Variants in ENOX1 observed in about 807,000 individuals in gnomAD.
ENOX1 encodes candidate growth-related and time keeping constitutive hydroquinone (NADH) oxidase.
Under a neutral mutation model 82.5 loss-of-function variants are expected in ENOX1, and 42 were observed. The observed-to-expected ratio is 0.51, with a 90% CI of 0.40 to 0.66. ENOX1 has a LOEUF of 0.66. Ranked by LOEUF, ENOX1 falls within the 30% of genes least tolerant of loss-of-function variation. The pLI is 0.00. For synonymous variants in ENOX1, 271 were observed against 282.2 expected, an observed-to-expected ratio of 0.96 and a Z score of 0.40; for missense variants, 608 against 811.6, an observed-to-expected ratio of 0.75 and a Z score of 3.05.
At chr13:43,501,092 T>C (rs2076964949) in intron 2 of ENOX1, among the ~76,000 whole-genome samples, 1 of 151,524 alleles carries the variant, frequency 6.6e-6, no homozygotes, top group Non-Finnish European at 1.5e-5. Context: ...AATATAAAAA[T>C]AAGATTCAAC....
intron 5 of ENOX1, among the ~76,000 whole-genome samples, chr13:43,375,755 T>G (rs1393123289): frequency 6.6e-6 from 1 of 152,210 alleles, no homozygotes; most frequent in Non-Finnish European, 1.5e-5. Flanking sequence ...AGAGAGTGGC[T>G]ACCCCATGGG....
chr13:43,380,379 G>C (rs2051956198), intron 5 of ENOX1, among the ~76,000 whole-genome samples: 1 of 151,434 alleles, frequency 6.6e-6, no homozygotes, highest in Non-Finnish European at 1.5e-5. Flanking sequence ...ATATAAGACA[G>C]CAAACATAAT....
At chr13:43,714,341 G>A (rs1317327147) in intron 1 of ENOX1, among the ~76,000 whole-genome samples, 3 of 152,074 alleles carry the variant, frequency 2.0e-5, no homozygotes, top group South Asian at 2.1e-4. Flanking sequence ...CAACTATGTG[G>A]TCAATTTTGG....
intron 9 of ENOX1, among the ~76,000 whole-genome samples, chr13:43,336,684 G>A (rs2048734213): frequency 6.6e-6 from 1 of 152,150 alleles, no homozygotes; most frequent in Non-Finnish European, 1.5e-5. Context: ...GAAGATACCT[G>A]TATTTAGATA....
chr13:43,277,628 G>A (rs1373455754), intron 12 of ENOX1, among the ~76,000 whole-genome samples: 1 of 152,310 alleles, frequency 6.6e-6, no homozygotes, highest in East Asian at 1.9e-4. Context: ...CACTGTGTGC[G>A]TACATCTGAG....
intron 3 of ENOX1, among the ~76,000 whole-genome samples, chr13:43,447,663 T>A (rs1328322103): frequency 6.6e-6 from 1 of 152,030 alleles, no homozygotes; most frequent in South Asian, 2.1e-4. Flanking sequence ...ATACATGAAA[T>A]GTACATGAGC....
chr13:43,785,766 C>G (rs1303250326), intron 1 of ENOX1, among the ~76,000 whole-genome samples: 1 of 152,168 alleles, frequency 6.6e-6, no homozygotes, highest in Non-Finnish European at 1.5e-5. Context: ...CACCCCCCTT[C>G]CGAAAGAGGG....
intron 2 of ENOX1, among the ~76,000 whole-genome samples, chr13:43,535,851 T>C (rs1228171614): frequency 1.3e-5 from 2 of 152,230 alleles, no homozygotes; most frequent in South Asian, 2.1e-4. Context: ...TTCCACTCCT[T>C]GTTCTGTGCA....
At chr13:43,721,190 T>A (rs950200528) in intron 1 of ENOX1, among the ~76,000 whole-genome samples, 10 of 152,104 alleles carry the variant, frequency 6.6e-5, no homozygotes, top group African/African-American at 2.4e-4. Context: ...TGATTCCACA[T>A]ACAAATTTAG....
chr13:43,417,545 T>C (rs897404053), intron 3 of ENOX1, among the ~76,000 whole-genome samples: 18 of 152,240 alleles, frequency 1.2e-4, no homozygotes, highest in Non-Finnish European at 2.4e-4. Context: ...CCTCTTTAAA[T>C]GATTCAAGAC....
At chr13:43,744,044 T>A (rs149883549) in intron 1 of ENOX1, among the ~76,000 whole-genome samples, 2,229 of 152,264 alleles carry the variant, frequency 0.015, 51 homozygotes, top group African/African-American at 0.049. Flanking sequence ...AAAGATCCCA[T>A]CTCTCAAAAC....
chr13:43,355,827 G>C, intron 8 of ENOX1, 92 bp downstream of exon 8: 1 of 1,241,972 alleles, frequency 8.1e-7, no homozygotes, highest in Non-Finnish European at 1.1e-6. Flanking sequence ...ACATTGTGCT[G>C]AAGGGACAAT....
intron 2 of ENOX1, among the ~76,000 whole-genome samples, chr13:43,497,814 T>C (rs1489595031): frequency 6.6e-6 from 1 of 152,142 alleles, no homozygotes; most frequent in Non-Finnish European, 1.5e-5. Flanking sequence ...TATTTCTTCT[T>C]AAATGTTTGA....
intron 5 of ENOX1, among the ~76,000 whole-genome samples, chr13:43,389,574 T>A (rs2052639771): frequency 6.6e-6 from 1 of 152,204 alleles, no homozygotes; most frequent in African/African-American, 2.4e-5. Flanking sequence ...CATCTCCTTA[T>A]TTCCTTTTTT....
At chr13:43,450,837 A>G (rs570587325) in intron 3 of ENOX1, among the ~76,000 whole-genome samples, 2 of 152,294 alleles carry the variant, frequency 1.3e-5, no homozygotes, top group South Asian at 2.1e-4. Context: ...AAGGTTTAGC[A>G]TCCCAAGTCC....
intron 14 of ENOX1, among the ~76,000 whole-genome samples, chr13:43,244,861 G>A (rs2043007033): frequency 6.6e-6 from 1 of 152,126 alleles, no homozygotes; most frequent in African/African-American, 2.4e-5. Context: ...GCTCAGTTCT[G>A]CTAATTGCTC....
chr13:43,434,913 G>A (rs984645512), intron 3 of ENOX1, among the ~76,000 whole-genome samples: 3 of 135,838 alleles, frequency 2.2e-5, no homozygotes, highest in South Asian at 2.3e-4. Flanking sequence ...TCCTTTTAAC[G>A]TGTCTTATTA....
In ENOX1 at chr13:43,649,570, G is replaced by A. The variant is rs148296920; in HGVS notation, c.-219+17909C>T. ...TGATAATTCACTGATTCCAAGAATG[G>A]TGCTCAGGTTTTAGAGCCAGAGTAT... On this transcript the variant is annotated intron_variant, in intron 2 of 16. Coordinates refer to ENST00000690772, the MANE Select transcript of ENOX1 (RefSeq NM_001347969.2). Among the ~76,000 whole-genome samples the A allele has an allele frequency of 5.3e-4, 80 of 152,246 alleles. 1 individual carries two copies. The highest frequency in any genetic ancestry group is 1.8e-3 in the African/African-American group (75 of 41,540).
chr13:43,682,028 C>T (rs928850190), intron 1 of ENOX1, among the ~76,000 whole-genome samples: 1 of 152,078 alleles, frequency 6.6e-6, no homozygotes, highest in South Asian at 2.1e-4. Context: ...CAGCCTTCAA[C>T]TCCATAATGA....
Sources: gnomAD v4.1 joint callset for allele counts (sites outside exome capture counted in the v4.1 genomes callset) on GRCh38, gnomAD v4.1.1 for gene constraint, MANE v1.5 for transcripts, NCBI Gene and HGNC (gene_info 2026-07-23, HGNC 2026-07-21) for gene names.